Variants in ZNF552 observed in about 807,000 individuals in gnomAD.
ZNF552 encodes zinc finger protein 552.
A neutral mutation model predicts 7.2 loss-of-function variants in ZNF552; 2 were observed. The observed-to-expected ratio is 0.28, with a 90% CI of 0.11 to 0.88. The LOEUF (loss-of-function observed/expected upper bound fraction) is 0.88, where lower values mean the gene tolerates loss of function less well. ZNF552 is among the 40% of genes least tolerant of loss of function. ZNF552 has a pLI of 0.60. For missense variants in ZNF552, 421 were observed against 493.4 expected, an observed-to-expected ratio of 0.85 and a Z score of 1.39; for synonymous variants, 173 against 176.5, an observed-to-expected ratio of 0.98 and a Z score of 0.16.
intron 1 of ZNF552, 150 bp downstream of exon 1, chr19:57,814,561 G>A (rs1027252808): frequency 6.5e-7 from 1 of 1,549,986 alleles, no homozygotes; most frequent in South Asian, 1.2e-5. Flanking sequence ...CATCCCACGG[G>A]TGTCTGAAAC....
intron 2 of ZNF552, 105 bp downstream of exon 2, chr19:57,813,189 G>A (rs1987889422): frequency 5.2e-6 from 8 of 1,548,262 alleles, no homozygotes; most frequent in Non-Finnish European, 5.2e-6. Flanking sequence ...AACTGAAGTA[G>A]GAAGCTGTGT....
At position 57,808,871 on chromosome 19, in the gene ZNF552, A is replaced by G. The variant is rs377432800; in HGVS notation, c.393T>C (p.Ser131=). 3.1e-5 allele frequency: 50 copies of G among 1,613,332 alleles called. No homozygotes were observed. Among genetic ancestry groups the G allele is most frequent in the Non-Finnish European group, 4.1e-5 (48 of 1,179,912 alleles). The change falls in exon 3 of 3, where the codon AGT becomes AGC. Residue 131 remains serine, a synonymous_variant. Transcript: ENST00000391701. ...CATTCTGGTGCTGATGAAAGTTTCC[A>G]CTGTCATACAATTTATTCCCCCAGG... The part of the protein sequence containing the change: ...CEAWGNKLYD[S]GNFHQHQNEH...
intron 1 of ZNF552, among the ~76,000 whole-genome samples, chr19:57,813,971 G>C (rs1475775828): frequency 9.1e-6 from 1 of 109,374 alleles, no homozygotes. Context: ...CTCTACCTCC[G>C]GACCAACCCG....
At chr19:57,813,090 G>C (rs2122149025) in intron 2 of ZNF552, 9 of 795,108 alleles carry the variant, frequency 1.1e-5, no homozygotes, top group Middle Eastern at 7.6e-4. Context: ...TTCTGACTCT[G>C]AATTCTTCCC....
chr19:57,811,330 C>T (rs1016479473), intron 2 of ZNF552, among the ~76,000 whole-genome samples: 2 of 152,056 alleles, frequency 1.3e-5, no homozygotes, highest in Non-Finnish European at 1.5e-5. Context: ...CCCGCCACCA[C>T]GCCTGGCTAA....
chr19:57,810,465 C>T (rs1406138468), intron 2 of ZNF552, among the ~76,000 whole-genome samples: 1 of 152,190 alleles, frequency 6.6e-6, no homozygotes, highest in Non-Finnish European at 1.5e-5. Context: ...CTACTCCCAA[C>T]CCTGTGCTCC....
Position 57,814,868 on chromosome 19 carries a change from A to T in ZNF552, c.-125T>A, listed in dbSNP as rs1568492032. 2.9e-6 allele frequency: 3 copies of T among 1,024,974 alleles called. No homozygotes were observed. The African/African-American group carries it at 4.9e-5, about 17-fold the overall frequency. The allele number at this position is 1,024,974 out of a possible 1,614,324, so 63.5% of individuals were successfully genotyped here. A position where few individuals can be genotyped will look rare whatever the true frequency, so the allele number is the denominator to read the frequency against. ...ATCCAGTCACCACCACGGTCCCAAC[A>T]CAGCGCTCCAAGGACTCCCTAACGC... On this transcript the variant is annotated 5_prime_UTR_variant, in exon 1 of 3. Coordinates refer to ENST00000391701, the MANE Select transcript of ZNF552 (RefSeq NM_024762.3).
chr19:57,808,837 C>T lies in ZNF552; in HGVS notation c.427G>A (p.Gly143Arg). The T allele has an allele frequency of 6.2e-7, 1 of 1,614,034 alleles. No individual in the cohort carries two copies. The highest frequency in any genetic ancestry group is 8.5e-7 in the Non-Finnish European group (1 of 1,180,028). ...ACACTCCCTCTGTAGGGTTTCTCTC[C>T]AATGTGCTCATTCTGGTGCTGATGA... ...NFHQHQNEHIGEKPYRGSVEE... is the reference protein window; with the variant it reads ...NFHQHQNEHIREKPYRGSVEE... Residue 143 changes from glycine (G) to arginine (R), a missense_variant, in exon 3 of 3, where the codon GGA (glycine) becomes AGA (arginine). By Grantham distance (125) the Gly-to-Arg change is moderately radical (BLOSUM62 -2). This residue lies in a region of ZNF552 where 122 missense variants were observed against 199.7 expected (regional missense o/e 0.61). Coordinates refer to ENST00000391701, the MANE Select transcript of ZNF552 (RefSeq NM_024762.3).
intron 2 of ZNF552, 23 bp downstream of exon 2, chr19:57,813,271 A>G: frequency 1.9e-6 from 3 of 1,613,102 alleles, no homozygotes; most frequent in Non-Finnish European, 2.5e-6. Flanking sequence ...CTCAGGTCAC[A>G]GGGGTGAGTG....
At position 57,812,359 on chromosome 19, in the gene ZNF552, G is replaced by C. The variant is rs1987873873; in HGVS notation, c.160+935C>G. 2.6e-5 allele frequency among the ~76,000 whole-genome samples: 4 copies of C among 151,940 alleles called. No homozygotes were observed. The South Asian group carries it at 8.3e-4, about 32-fold the overall frequency. Reference sequence around the variant, plus strand: ...CTTGACATCATGCACCACTGTCCTAGGATGCTATTTTTCAGGGACTCAGAA... The same window carrying C: ...CTTGACATCATGCACCACTGTCCTACGATGCTATTTTTCAGGGACTCAGAA... On this transcript the variant is annotated intron_variant, in intron 2 of 2. Transcript: ENST00000391701.
chr19:57,809,233 A>G, intron 2 of ZNF552, 130 bp from the exon 3 acceptor site: 1 of 1,571,694 alleles, frequency 6.4e-7, no homozygotes, highest in African/African-American at 1.3e-5. Flanking sequence ...TGTTGGCTTC[A>G]GGTGGAAGAT....
intron 1 of ZNF552, among the ~76,000 whole-genome samples, chr19:57,813,773 C>G (rs1987903457): frequency 7.9e-6 from 1 of 127,084 alleles, no homozygotes; most frequent in Non-Finnish European, 1.6e-5. Context: ...GATACGGAGT[C>G]TCGCTCTGTC....
chr19:57,807,906 T>C lies in ZNF552; in HGVS notation c.*134A>G. 8.3e-7 allele frequency: 1 copy of C among 1,207,556 alleles called. No homozygotes were observed. The highest frequency in any genetic ancestry group is 1.1e-6 in the Non-Finnish European group (1 of 876,096). The allele number at this position is 1,207,556 out of a possible 1,614,324, so 74.8% of individuals were successfully genotyped here. On this transcript the variant is annotated 3_prime_UTR_variant, in exon 3 of 3. Transcript: ENST00000391701. ...CCAAATTTATTTTACTTGTAAGGAC[T>C]CTTCTCTAGTGTGAACTCTCCAATA...
chr19:57,809,782 G>C (rs1259449987), intron 2 of ZNF552, among the ~76,000 whole-genome samples: 1 of 152,096 alleles, frequency 6.6e-6, no homozygotes, highest in Admixed American at 6.6e-5. Flanking sequence ...AGAAATCCAA[G>C]ACCAGCCTGG....
rs1198999385 is a variant in ZNF552 at position 57,807,350 on chromosome 19, A to C, written c.*690T>G. 4.6e-5 allele frequency: 7 copies of C among 152,204 alleles called. No individual in the cohort carries two copies. The highest frequency in any genetic ancestry group is 7.3e-5 in the Non-Finnish European group (5 of 68,060). The allele number at this position is 152,204 out of a possible 1,614,324, so 9.4% of individuals were successfully genotyped here. On this transcript the variant is annotated 3_prime_UTR_variant, in exon 3 of 3. Coordinates refer to ENST00000391701, the MANE Select transcript of ZNF552 (RefSeq NM_024762.3). ...AAGGCGGGCAGATCACGAGGTCAGG[A>C]GATTGAGAACTTCCTGGCTAACAGG... is the stretch of plus-strand genomic sequence containing the variant.
At position 57,807,214 on chromosome 19, in the gene ZNF552, T is replaced by G. The variant is rs966297230; in HGVS notation, c.*826A>C. 1 of 152,176 alleles carries G rather than the reference T, an allele frequency of 6.6e-6. No homozygotes were observed. The highest frequency in any genetic ancestry group is 2.4e-5 in the African/African-American group (1 of 41,430). 9.4% of individuals were successfully genotyped at this position (152,176 alleles called of 1,614,324 possible). Reference sequence around the variant, plus strand: ...AGGCTCCAGGTGAATACAAAGGTGATAGATTAGATAAATTCATTATTGTGA... The same window carrying G: ...AGGCTCCAGGTGAATACAAAGGTGAGAGATTAGATAAATTCATTATTGTGA... On this transcript the variant is annotated 3_prime_UTR_variant, in exon 3 of 3. Coordinates refer to ENST00000391701, the MANE Select transcript of ZNF552 (RefSeq NM_024762.3).
intron 2 of ZNF552, among the ~76,000 whole-genome samples, chr19:57,811,246 C>T (rs190055814): frequency 6.6e-6 from 1 of 152,170 alleles, no homozygotes; most frequent in Non-Finnish European, 1.5e-5. Context: ...AATCGCGGCT[C>T]ACTGCAAGCT....
chr19:57,813,806 G>C (rs576309246), intron 1 of ZNF552, among the ~76,000 whole-genome samples: 2 of 143,672 alleles, frequency 1.4e-5, no homozygotes, highest in Non-Finnish European at 3.0e-5. Flanking sequence ...GTGCAATGGC[G>C]CGATCTCGGC....
chr19:57,813,806 G>A (rs576309246), intron 1 of ZNF552, among the ~76,000 whole-genome samples: 1 of 143,596 alleles, frequency 7.0e-6, no homozygotes, highest in Non-Finnish European at 1.5e-5. Flanking sequence ...GTGCAATGGC[G>A]CGATCTCGGC....
Sources: gnomAD v4.1 joint callset for allele counts (sites outside exome capture counted in the v4.1 genomes callset) on GRCh38, gnomAD v4.1.1 for gene constraint, gnomAD v4.1.1 regional missense constraint, MANE v1.5 for transcripts, NCBI Gene and HGNC (gene_info 2026-07-23, HGNC 2026-07-21) for gene names.